CSTF3: variants seen among roughly 807,000 people sequenced by gnomAD.
CSTF3 encodes the protein cleavage stimulation factor subunit 3.
CSTF3 carries 29 observed loss-of-function variants against 105.8 expected under a neutral mutation model. The observed-to-expected ratio is 0.27, with a 90% CI of 0.20 to 0.37. The LOEUF is 0.37. Among genes scored for constraint, CSTF3 ranks in the 10% least tolerant of loss-of-function variants. CSTF3 has a pLI of 1.00. For missense variants in CSTF3, 357 were observed against 879.3 expected, an observed-to-expected ratio of 0.41 and a Z score of 7.51; for synonymous variants, 252 against 281.9, an observed-to-expected ratio of 0.89 and a Z score of 1.06.
At chr11:33,114,063 A>G (rs1323654783) in intron 3 of CSTF3, among the ~76,000 whole-genome samples, 3 of 152,220 alleles carry the variant, frequency 2.0e-5, no homozygotes, top group Admixed American at 6.5e-5. Context: ...TTTGGAACTA[A>G]AACTATCCTC....
At chr11:33,115,089 T>C (rs1224778317) in intron 3 of CSTF3, among the ~76,000 whole-genome samples, 1 of 152,194 alleles carries the variant, frequency 6.6e-6, no homozygotes, top group Non-Finnish European at 1.5e-5. Flanking sequence ...AACAAACGAA[T>C]AAATGAATTG....
chr11:33,111,541 A>G (rs959328550), intron 3 of CSTF3, among the ~76,000 whole-genome samples: 4 of 152,188 alleles, frequency 2.6e-5, no homozygotes, highest in African/African-American at 9.6e-5. Context: ...GAATACCCAC[A>G]AGGTTGTTAA....
chr11:33,134,709 T>C (rs757235729), intron 3 of CSTF3, among the ~76,000 whole-genome samples: 3 of 152,154 alleles, frequency 2.0e-5, no homozygotes, highest in Admixed American at 6.5e-5. Flanking sequence ...TTTAAAACTG[T>C]CAAAAGCCAT....
At chr11:33,135,898 T>G (rs1340249910) in intron 3 of CSTF3, among the ~76,000 whole-genome samples, 3 of 152,088 alleles carry the variant, frequency 2.0e-5, no homozygotes, top group Non-Finnish European at 4.4e-5. Flanking sequence ...TTCTGTCACA[T>G]GAATAGAAGT....
At chr11:33,117,893 T>C (rs1018146191) in intron 3 of CSTF3, among the ~76,000 whole-genome samples, 24 of 151,860 alleles carry the variant, frequency 1.6e-4, no homozygotes, top group African/African-American at 5.3e-4. Context: ...CCAAAAAATA[T>C]ATACTGAGTA....
At position 33,085,228 on chromosome 11, in the gene CSTF3, G is replaced by A. The variant is rs200568543; in HGVS notation, c.2013C>T (p.Asn671=). The part of the protein sequence containing the change: ...GGAPELAVEG[N]GPVESNAVLT... ...GTACTGCATTACTTTCCACGGGGCC[G>A]TTGCCTTCTACAGCTAGCTCTGGGG... The change falls in exon 21 of 21, where the codon AAC becomes AAT. Residue 671 remains asparagine (N), a synonymous_variant. Coordinates refer to ENST00000323959, the MANE Select transcript of CSTF3 (RefSeq NM_001326.3). 20 of 1,600,412 alleles carry A rather than the reference G, an allele frequency of 1.2e-5. No individual in the cohort carries two copies. The highest frequency in any genetic ancestry group is 1.3e-5 in the African/African-American group (1 of 74,350).
At chr11:33,101,539 T>A (rs564923247) in intron 10 of CSTF3, among the ~76,000 whole-genome samples, 1 of 152,178 alleles carries the variant, frequency 6.6e-6, no homozygotes, top group African/African-American at 2.4e-5. Context: ...AACAGACCTG[T>A]CTTCATAGTA....
chr11:33,088,986 G>A (rs1855137606), intron 17 of CSTF3, among the ~76,000 whole-genome samples: 1 of 152,098 alleles, frequency 6.6e-6, no homozygotes, highest in Non-Finnish European at 1.5e-5. Context: ...GCTTTTTCTA[G>A]CAATTGCACA....
chr11:33,096,168 C>A, intron 15 of CSTF3, 138 bp downstream of exon 15: 1 of 555,440 alleles, frequency 1.8e-6, no homozygotes, highest in East Asian at 3.3e-5. Flanking sequence ...TGATATACCA[C>A]AAGTATTTCT....
intron 3 of CSTF3, among the ~76,000 whole-genome samples, chr11:33,125,332 T>C (rs575600791): frequency 6.6e-6 from 1 of 152,328 alleles, no homozygotes; most frequent in South Asian, 2.1e-4. Flanking sequence ...GGTTTCCTTA[T>C]ATGCTTATTT....
At chr11:33,126,013 A>G (rs1231160538) in intron 3 of CSTF3, among the ~76,000 whole-genome samples, 1 of 152,208 alleles carries the variant, frequency 6.6e-6, no homozygotes, top group Non-Finnish European at 1.5e-5. Context: ...ATTACCTGCT[A>G]GTCTCCTTCA....
chr11:33,088,423 G>A (rs1243192628), intron 17 of CSTF3, among the ~76,000 whole-genome samples: 1 of 151,496 alleles, frequency 6.6e-6, no homozygotes, highest in Non-Finnish European at 1.5e-5. Context: ...TGGGATTACA[G>A]ATGCCCGCCA....
intron 3 of CSTF3, among the ~76,000 whole-genome samples, chr11:33,126,425 G>C (rs1855544037): frequency 6.6e-6 from 1 of 151,860 alleles, no homozygotes; most frequent in South Asian, 2.1e-4. Flanking sequence ...ACTCCAGCCT[G>C]GGTGACAGAG....
chr11:33,108,238 G>A (rs1013161858), intron 4 of CSTF3, 148 bp downstream of exon 4: 1 of 806,622 alleles, frequency 1.2e-6, no homozygotes. Flanking sequence ...ACATTTTCAA[G>A]CATATAAAAA....
intron 3 of CSTF3, among the ~76,000 whole-genome samples, chr11:33,127,609 G>A (rs1021239491): frequency 6.6e-6 from 1 of 152,090 alleles, no homozygotes; most frequent in Admixed American, 6.5e-5. Flanking sequence ...AAACTGACAT[G>A]ATCTGCCAAC....
chr11:33,111,753 A>G (rs1855381398), intron 3 of CSTF3, among the ~76,000 whole-genome samples: 1 of 152,194 alleles, frequency 6.6e-6, no homozygotes, highest in Non-Finnish European at 1.5e-5. Context: ...GTAAATTGGT[A>G]TTAGCCCAAT....
At chr11:33,127,150 G>A (rs1194059983) in intron 3 of CSTF3, among the ~76,000 whole-genome samples, 3 of 152,072 alleles carry the variant, frequency 2.0e-5, no homozygotes, top group African/African-American at 7.2e-5. Flanking sequence ...CTAGAGAATA[G>A]ACTTTACTAT....
At chr11:33,106,922 C>A (rs1855333165) in intron 5 of CSTF3, among the ~76,000 whole-genome samples, 1 of 152,006 alleles carries the variant, frequency 6.6e-6, no homozygotes, top group South Asian at 2.1e-4. Flanking sequence ...TAAAATGCAA[C>A]TTATGTTAAA....
At chr11:33,154,556 G>C (rs1321237789) in intron 1 of CSTF3, among the ~76,000 whole-genome samples, 1 of 139,280 alleles carries the variant, frequency 7.2e-6, no homozygotes, top group Non-Finnish European at 1.5e-5. Context: ...GAGTGCAGTG[G>C]CTGTACCTTG....
Sources: gnomAD v4.1 joint callset for allele counts (sites outside exome capture counted in the v4.1 genomes callset) on GRCh38, gnomAD v4.1.1 for gene constraint, MANE v1.5 for transcripts, NCBI Gene and HGNC (gene_info 2026-07-23, HGNC 2026-07-21) for gene names.